The following MAPK8IP3 variants were observed in gnomAD, a reference collection of about 807,000 sequenced individuals.
MAPK8IP3 encodes the protein C-Jun-amino-terminal kinase-interacting protein 3.
A neutral mutation model predicts 157.8 loss-of-function variants in MAPK8IP3; 49 were observed. That is an observed-to-expected ratio of 0.31 (90% confidence interval 0.25 to 0.39). The LOEUF is 0.39. MAPK8IP3 is among the 10% of genes least tolerant of loss of function. The pLI, the probability that MAPK8IP3 is intolerant of heterozygous loss-of-function variation, is 1.00. For synonymous variants in MAPK8IP3, 897 were observed against 777.7 expected (o/e 1.15, Z -2.55); for missense variants, 1,478 against 1,889.4 (o/e 0.78, Z 4.04).
At position 1,769,570 on chromosome 16, in the gene MAPK8IP3, G is replaced by A. The variant is rs1325028126; in HGVS notation, c.*746G>A. ...CCCCCCAGGCTCTGCCTGGGCAGAA[G>A]ACTCACCTTGGAGGAGTGGGCCCTG... On this transcript the variant is annotated 3_prime_UTR_variant, in exon 32 of 32. Coordinates refer to ENST00000610761, the MANE Select transcript of MAPK8IP3 (RefSeq NM_001318852.2). 6.6e-6 allele frequency: 1 copy of A among 152,588 alleles called. No homozygotes were observed. The highest frequency in any genetic ancestry group is 2.4e-5 in the African/African-American group (1 of 41,456). 9.5% of individuals were successfully genotyped at this position (152,588 alleles called of 1,614,324 possible).
chr16:1,710,495 A>T lies in MAPK8IP3; in HGVS notation c.318+3838A>T, dbSNP rs1334366255. 2.0e-5 allele frequency among the ~76,000 whole-genome samples: 3 copies of T among 152,128 alleles called. No individual in the cohort carries two copies. In the East Asian group the frequency reaches 5.8e-4, roughly 29 times the overall value. On this transcript the variant is annotated intron_variant, in intron 1 of 31. Transcript: ENST00000610761. The surrounding 1 kb of genome is among the most constrained non-coding windows in gnomAD (Gnocchi z 4.1). ...TCTCAAAATAAATAAATAGATAAAA[A>T]TAAATAAATAAATGTCATCCATTTC...
intron 1 of MAPK8IP3, among the ~76,000 whole-genome samples, chr16:1,711,334 C>T (rs1011069660): frequency 2.0e-5 from 3 of 152,242 alleles, no homozygotes; most frequent in Admixed American, 6.5e-5. Context: ...TTGACCATTG[C>T]GACAACACAG....
intron 1 of MAPK8IP3, among the ~76,000 whole-genome samples, chr16:1,709,684 A>G (rs545634415): frequency 3.3e-5 from 5 of 152,378 alleles, no homozygotes; most frequent in Non-Finnish European, 5.9e-5. Context: ...GGGGCTGGCA[A>G]GGAGCAGATG....
chr16:1,752,507 C>A, intron 8 of MAPK8IP3: 1 of 361,432 alleles, frequency 2.8e-6, no homozygotes, highest in South Asian at 2.0e-5. Flanking sequence ...CTTTGGGAGG[C>A]CAGGGCAGGA....
At chr16:1,739,499 CGT>C (rs1384396778) in intron 4 of MAPK8IP3, among the ~76,000 whole-genome samples, 4 of 74,672 alleles carry the variant, frequency 5.4e-5, no homozygotes, top group South Asian at 5.9e-4. Flanking sequence ...TGTGACCGTT[CGT>C]GTGAGTGTGT....
chr16:1,737,920 G>A (rs1164747749), intron 4 of MAPK8IP3, among the ~76,000 whole-genome samples: 1 of 73,300 alleles, frequency 1.4e-5, no homozygotes, highest in Non-Finnish European at 2.6e-5. Context: ...CCGTGTGTGT[G>A]ACCATCCATG....
intron 4 of MAPK8IP3, among the ~76,000 whole-genome samples, chr16:1,736,624 G>A (rs1596635041): frequency 2.7e-5 from 2 of 73,344 alleles, no homozygotes; most frequent in Admixed American, 1.9e-4. Context: ...CCGTCCGTGT[G>A]AGCGTCCGTG....
intron 1 of MAPK8IP3, among the ~76,000 whole-genome samples, chr16:1,709,530 G>T (rs2037624155): frequency 6.6e-6 from 1 of 152,262 alleles, no homozygotes; most frequent in Admixed American, 6.5e-5. Context: ...GGGCCGCCGT[G>T]GACGGCAGGC....
chr16:1,759,777 TGTGCACAGACTGCG>T (rs2041828915), intron 10 of MAPK8IP3, among the ~76,000 whole-genome samples, 167 bp from the exon 11 acceptor site: 1 of 152,230 alleles, frequency 6.6e-6, no homozygotes, highest in Admixed American at 6.5e-5. Context: ...GAGCCTGCTC[TGTGCACAGACTGCG>T]GGCCCAGCAT....
rs1180115778 is a variant in MAPK8IP3, at chr16:1,762,266, C to T, written c.1540-85C>T. The T allele has an allele frequency of 5.4e-6, 8 of 1,474,266 alleles. No homozygotes were observed. In the East Asian group the frequency reaches 2.0e-4, roughly 37 times the overall value. 91.3% of individuals were successfully genotyped at this position (1,474,266 alleles called of 1,614,324 possible). ...TGAAGGAAATTGGCACTGAGATCCA[C>T]CTATACGTGTAGGCACCCCAGGAGG... On this transcript the variant is annotated intron_variant, in intron 13 of 31. Transcript: ENST00000610761.
chr16:1,720,690 A>G (rs1383827217), intron 1 of MAPK8IP3, among the ~76,000 whole-genome samples: 1 of 152,168 alleles, frequency 6.6e-6, no homozygotes, highest in East Asian at 1.9e-4. Context: ...TTGTTTATAT[A>G]ATTATTTTCA....
intron 11 of MAPK8IP3, 58 bp from the exon 12 acceptor site, chr16:1,760,322 C>T: frequency 1.3e-6 from 2 of 1,560,674 alleles, no homozygotes; most frequent in Non-Finnish European, 8.7e-7. Flanking sequence ...CTGGCAAGGC[C>T]CCTTCACGTA....
rs1180144380 is a variant in MAPK8IP3, at chr16:1,738,755, CCGTGTGAGCGTCCGTGTGAG to C, written c.603-4556_603-4537del. ...CACCCATGTGAGCATCTGTGACCGT[CCGTGTGAGCGTCCGTGTGAG>C]CGTGTGAGCGTCCGTGTGAGTGTGA... On this transcript the variant is annotated intron_variant, in intron 4 of 31. Transcript: ENST00000610761. Among the ~76,000 whole-genome samples, 1,080 of 118,576 alleles carry C rather than the reference CCGTGTGAGCGTCCGTGTGAG, an allele frequency of 9.1e-3. 20 individuals carry two copies. Among genetic ancestry groups the C allele is most frequent in the Non-Finnish European group, 0.011 (637 of 60,286 alleles). 77.8% of individuals were successfully genotyped at this position (118,576 alleles called of 152,430 possible).
rs1316633869 is a variant in MAPK8IP3, at chr16:1,768,855, A to G, written c.*31A>G. The G allele has an allele frequency of 5.6e-6, 9 of 1,606,370 alleles. No homozygotes were observed. The South Asian group carries it at 6.6e-5, about 12-fold the overall frequency. On this transcript the variant is annotated 3_prime_UTR_variant, in exon 32 of 32. Coordinates refer to ENST00000610761, the MANE Select transcript of MAPK8IP3 (RefSeq NM_001318852.2). ...CTGCCCTGCCTGGCCCGACCTGTAC[A>G]TAGGACCCCCGACCACCTGACCCCC...
intron 1 of MAPK8IP3, among the ~76,000 whole-genome samples, chr16:1,719,067 C>T (rs569098076): frequency 8.3e-4 from 126 of 152,250 alleles, no homozygotes; most frequent in Non-Finnish European, 1.3e-3. Flanking sequence ...AGCAAGACCC[C>T]GTCTCAAGCA....
chr16:1,758,623 C>T (rs1196346886), intron 9 of MAPK8IP3, among the ~76,000 whole-genome samples: 2 of 152,152 alleles, frequency 1.3e-5, no homozygotes, highest in Non-Finnish European at 2.9e-5. Flanking sequence ...AGAGGCTGTC[C>T]AGATGCAGCC....
At position 1,741,615 on chromosome 16, in the gene MAPK8IP3, C is replaced by T. The variant is rs1307448726; in HGVS notation, c.603-1717C>T. Among the ~76,000 whole-genome samples the T allele has an allele frequency of 1.3e-5, 2 of 152,068 alleles. No individual in the cohort carries two copies. The highest frequency in any genetic ancestry group is 2.9e-5 in the Non-Finnish European group (2 of 67,984). ...GCGCTCCCCGCACCAGCGTTGGGAG[C>T]GCAGTGGAAGTGGGGCCAGGAGGCC... On this transcript the variant is annotated intron_variant, in intron 4 of 31. Transcript: ENST00000610761. This position sits in a 1 kb window ranked among gnomAD's most constrained non-coding sequence, Gnocchi z 6.9.
rs1478237675 is a variant in MAPK8IP3, at chr16:1,768,289, G to A, written c.3653G>A (p.Ser1218Asn). 1.9e-6 allele frequency: 3 copies of A among 1,610,944 alleles called. No homozygotes were observed. Among genetic ancestry groups the A allele is most frequent in the South Asian group, 1.1e-5 (1 of 91,086 alleles). ...GATGACAGCAGTGACAGGGCGGCCA[G>A]CAGCTTCATCCCCTACTGCTCCATG... ...YGDDSSDRAA[S>N]SFIPYCSMAQ... The change falls in exon 30 of 32, where the codon AGC becomes AAC. Residue 1218 changes from serine (S) to asparagine (N), a missense_variant. Transcript: ENST00000610761.
chr16:1,760,481 C>T lies in MAPK8IP3; in HGVS notation c.1406C>T (p.Ala469Val), dbSNP rs530465918. The change falls in exon 12 of 32, where the codon GCC becomes GTC. Residue 469 changes from alanine (A) to valine (V), a missense_variant. Physicochemically the swap from Ala to Val is moderately conservative, Grantham distance 64 (BLOSUM62 0). Coordinates refer to ENST00000610761, the MANE Select transcript of MAPK8IP3 (RefSeq NM_001318852.2). ...LRGELEAAKQ[A>V]KVKLENRIKE... is the part of the protein sequence containing the mutation. ...GGCGAGTTGGAGGCTGCTAAGCAGG[C>T]CAAAGTCAAGCTGGAAAACCGTATC... is the stretch of plus-strand genomic sequence containing the variant. 6.2e-7 allele frequency: 1 copy of T among 1,613,760 alleles called. No homozygotes were observed. The highest frequency in any genetic ancestry group is 1.7e-5 in the Admixed American group (1 of 59,998).
Sources: allele counts gnomAD v4.1 joint callset (sites outside exome capture counted in the v4.1 genomes callset), GRCh38; gene constraint gnomAD v4.1.1; non-coding constraint Gnocchi (gnomAD v3.1); transcripts MANE v1.5; gene names NCBI Gene and HGNC (gene_info 2026-07-23, HGNC 2026-07-21).